The following C13orf42 variants were observed in gnomAD, a reference collection of about 807,000 sequenced individuals.
C13orf42 encodes uncharacterized protein C13orf42.
At chr13:51,122,483 A>T (rs1300561281) in intron 1 of C13orf42, among the ~76,000 whole-genome samples, 1 of 151,730 alleles carries the variant, frequency 6.6e-6, no homozygotes, top group Non-Finnish European at 1.5e-5. Context: ...GCAGTAAACC[A>T]AGATTGCGCC....
chr13:51,171,537 T>A (rs993845595), intron 1 of C13orf42, among the ~76,000 whole-genome samples: 1 of 152,020 alleles, frequency 6.6e-6, no homozygotes, highest in Non-Finnish European at 1.5e-5. Context: ...TCTCCCTTCC[T>A]CCCCAGGCTG....
At chr13:51,139,009 T>A (rs1252094514) in intron 1 of C13orf42, among the ~76,000 whole-genome samples, 2 of 152,292 alleles carry the variant, frequency 1.3e-5, no homozygotes, top group East Asian at 1.9e-4. Flanking sequence ...TTCCCTTCTA[T>A]GAGGTGGCTA....
chr13:51,142,158 T>A (rs538021895), intron 1 of C13orf42, among the ~76,000 whole-genome samples: 1 of 152,352 alleles, frequency 6.6e-6, no homozygotes, highest in South Asian at 2.1e-4. Context: ...TACCATAGCT[T>A]CTAATCCTGG....
At chr13:51,084,370 G>A (rs957757381) in intron 3 of C13orf42, 45 bp from the exon 4 acceptor site, 69 of 398,464 alleles carry the variant, frequency 1.7e-4, no homozygotes, top group Middle Eastern at 1.3e-3. Flanking sequence ...CGGCTTGGCC[G>A]GCCACACAGA....
At chr13:51,125,294 C>T (rs1953567281) in intron 1 of C13orf42, among the ~76,000 whole-genome samples, 1 of 152,230 alleles carries the variant, frequency 6.6e-6, no homozygotes, top group East Asian at 1.9e-4. Flanking sequence ...AAATTCTCAG[C>T]TCCCTAGTTT....
intron 1 of C13orf42, among the ~76,000 whole-genome samples, chr13:51,120,720 G>C (rs1953528011): frequency 6.6e-6 from 1 of 152,128 alleles, no homozygotes; most frequent in East Asian, 1.9e-4. Context: ...TTCTTCTTCA[G>C]TAAAATGCCC....
intron 1 of C13orf42, among the ~76,000 whole-genome samples, chr13:51,124,645 G>A (rs1181527043): frequency 6.6e-6 from 1 of 152,128 alleles, no homozygotes; most frequent in Non-Finnish European, 1.5e-5. Context: ...GGTCATGGGG[G>A]CCACAGCAGA....
chr13:51,150,220 A>G (rs1953768384), intron 1 of C13orf42, among the ~76,000 whole-genome samples: 1 of 152,204 alleles, frequency 6.6e-6, no homozygotes, highest in African/African-American at 2.4e-5. Context: ...TTTCTCCAGA[A>G]TTGGGGATAT....
intron 1 of C13orf42, among the ~76,000 whole-genome samples, chr13:51,129,802 C>G (rs563743336): frequency 2.0e-5 from 3 of 152,284 alleles, no homozygotes; most frequent in South Asian, 2.1e-4. Context: ...TAGGATAGAA[C>G]ATGGCCTTAG....
intron 1 of C13orf42, among the ~76,000 whole-genome samples, chr13:51,132,834 C>G (rs1953627940): frequency 6.6e-6 from 1 of 152,082 alleles, no homozygotes. Flanking sequence ...GAGATTGACA[C>G]AAGATACAGG....
At chr13:51,141,987 T>A (rs1324986819) in intron 1 of C13orf42, among the ~76,000 whole-genome samples, 2 of 152,236 alleles carry the variant, frequency 1.3e-5, no homozygotes, top group Non-Finnish European at 2.9e-5. Flanking sequence ...GGCAATTTCA[T>A]ACTTATCCCT....
chr13:51,141,314 C>T (rs547026397), intron 1 of C13orf42, among the ~76,000 whole-genome samples: 1 of 151,082 alleles, frequency 6.6e-6, no homozygotes, highest in African/African-American at 2.4e-5. Context: ...ACAGAGGACA[C>T]TCTTGGGTTT....
upstream of C13orf42, among the ~76,000 whole-genome samples, chr13:51,115,041 A>T: frequency 6.6e-6 from 1 of 152,136 alleles, no homozygotes; most frequent in Admixed American, 6.6e-5. Context: ...ATGAGATAAT[A>T]GAGAGCACTT....
chr13:51,118,079 G>T (rs1010705581), intron 1 of C13orf42, among the ~76,000 whole-genome samples: 1 of 152,156 alleles, frequency 6.6e-6, no homozygotes, highest in African/African-American at 2.4e-5. Context: ...TAAGAAATGT[G>T]GTCTTTTGTG....
intron 1 of C13orf42, among the ~76,000 whole-genome samples, chr13:51,119,864 CTAAAT>C (rs1248133822): frequency 6.6e-6 from 1 of 151,960 alleles, no homozygotes; most frequent in African/African-American, 2.4e-5. Context: ...CTTAACGCCA[CTAAAT>C]TGTACATTTA....
chr13:51,109,811 A>T (rs756896954), intron 1 of C13orf42, among the ~76,000 whole-genome samples: 13 of 152,186 alleles, frequency 8.5e-5, no homozygotes, highest in Non-Finnish European at 1.6e-4. Flanking sequence ...TTGCCGGCTC[A>T]TAATTAAAAT....
chr13:51,086,911 G>T (rs985953249), intron 2 of C13orf42, among the ~76,000 whole-genome samples: 1 of 152,104 alleles, frequency 6.6e-6, no homozygotes, highest in African/African-American at 2.4e-5. Context: ...AAACTGCAAA[G>T]AACCCAATTT....
intron 1 of C13orf42, among the ~76,000 whole-genome samples, chr13:51,151,160 G>A (rs971306704): frequency 3.9e-5 from 6 of 152,190 alleles, no homozygotes; most frequent in Admixed American, 6.5e-5. Flanking sequence ...TTACATATGC[G>A]AATATGTTAC....
At chr13:51,153,630 C>CTTTTTTTT (rs1206289963) in intron 1 of C13orf42, among the ~76,000 whole-genome samples, 63 of 81,254 alleles carry the variant, frequency 7.8e-4, no homozygotes, top group Non-Finnish European at 9.6e-4. Context: ...TGTTTTTTTT[C>CTTTTTTTT]TTTTTTTTTT....
Sources: allele counts gnomAD v4.1 joint callset (sites outside exome capture counted in the v4.1 genomes callset), GRCh38; gene constraint gnomAD v4.1.1; transcripts MANE v1.5; gene names NCBI Gene and HGNC (gene_info 2026-07-23, HGNC 2026-07-21).